Variants in RFC3 observed in about 807,000 individuals in gnomAD.
RFC3 encodes the protein A1 38 kDa subunit.
In RFC3, 41 loss-of-function variants were observed where a neutral mutation model predicts 45.1. The observed-to-expected ratio is 0.91, with a 90% confidence interval of 0.71 to 1.18. The LOEUF (loss-of-function observed/expected upper bound fraction) is 1.18. RFC3 is among the 50% of genes most tolerant of loss of function. The pLI, the probability that RFC3 is intolerant of heterozygous loss-of-function variation, is 0.00. For missense variants in RFC3, 423 were observed against 428.1 expected, an observed-to-expected ratio of 0.99 and a Z score of 0.10; for synonymous variants, 149 against 144.0, an observed-to-expected ratio of 1.03 and a Z score of -0.25.
intron 8 of RFC3, among the ~76,000 whole-genome samples, chr13:33,930,563 C>G (rs2082845077): frequency 6.6e-6 from 1 of 152,094 alleles, no homozygotes; most frequent in Non-Finnish European, 1.5e-5. Flanking sequence ...TCTCTGAGTC[C>G]ACTGACTCAA....
In RFC3 at chr13:33,837,118, C is replaced by T; in HGVS notation, c.*823C>T. 1 of 868,520 alleles carries T rather than the reference C, an allele frequency of 1.2e-6. No individual in the cohort carries two copies. The highest frequency in any genetic ancestry group is 5.3e-5 in the South Asian group (1 of 18,968). The allele number at this position is 868,520 out of a possible 1,614,324, so 53.8% of individuals were successfully genotyped here. On this transcript the variant is annotated 3_prime_UTR_variant, in exon 9 of 9. Coordinates refer to ENST00000380071, the MANE Select transcript of RFC3 (RefSeq NM_002915.4). ...AGTATAATTTATAAAATAAAATATA[C>T]CCATTTTAAGGGTACAGTTTGATTT... is the stretch of plus-strand genomic sequence containing the variant.
chr13:33,853,252 T>A (rs1207336594), intron 8 of RFC3, among the ~76,000 whole-genome samples: 3 of 152,184 alleles, frequency 2.0e-5, no homozygotes, highest in Admixed American at 2.0e-4. Context: ...TCTGAATACA[T>A]TAATATCTTA....
intron 4 of RFC3, among the ~76,000 whole-genome samples, chr13:33,826,828 C>T (rs2082053739): frequency 6.6e-6 from 1 of 151,570 alleles, no homozygotes; most frequent in South Asian, 2.1e-4. Context: ...ACTTTTTCTT[C>T]TCTAATTATG....
intron 8 of RFC3, among the ~76,000 whole-genome samples, chr13:33,844,001 C>T (rs1310035215): frequency 6.6e-6 from 1 of 152,058 alleles, no homozygotes; most frequent in Admixed American, 6.6e-5. Context: ...GTTAAGCTTC[C>T]CATCTTGTTG....
At chr13:33,974,774 A>G in the RFC3 span, among the ~76,000 whole-genome samples, 2 of 152,238 alleles carry the variant, frequency 1.3e-5, no homozygotes, top group South Asian at 4.1e-4. Flanking sequence ...AAACATATAA[A>G]AAGTTCCCCT....
intron 8 of RFC3, among the ~76,000 whole-genome samples, chr13:33,852,097 G>A (rs1291749402): frequency 2.6e-5 from 4 of 152,052 alleles, no homozygotes; most frequent in African/African-American, 9.7e-5. Context: ...CTTGAGAAAA[G>A]TTACTTTCAA....
chr13:33,840,124 G>A (rs2082187012), downstream of RFC3, among the ~76,000 whole-genome samples: 1 of 152,068 alleles, frequency 6.6e-6, no homozygotes, highest in South Asian at 2.1e-4. Flanking sequence ...ACACTACTTT[G>A]GGTTTGTTGC....
intron 8 of RFC3, among the ~76,000 whole-genome samples, chr13:33,964,371 G>A (rs766852460): frequency 2.0e-5 from 3 of 152,188 alleles, no homozygotes; most frequent in Non-Finnish European, 4.4e-5. Flanking sequence ...CTGTGAGCCA[G>A]ATGGGTGTGG....
chr13:33,945,549 A>G lies in RFC3; in HGVS notation c.880-20538A>G, dbSNP rs76835142. Among the ~76,000 whole-genome samples, 697 of 152,308 alleles carry G rather than the reference A, an allele frequency of 4.6e-3. 8 individuals are homozygous for G. Among genetic ancestry groups the G allele is most frequent in the African/African-American group, 0.016 (661 of 41,570 alleles). ...CTGTCTGGGTAACGAGGCTCTGTAC[A>G]TCTCTCTTCACCCTAAAGTTGAGTC... On this transcript the variant is annotated intron_variant, in intron 8 of 8. Transcript: ENST00000434425.
At chr13:33,904,124 T>C (rs1193551094) in intron 8 of RFC3, among the ~76,000 whole-genome samples, 1 of 121,342 alleles carries the variant, frequency 8.2e-6, no homozygotes, top group African/African-American at 5.0e-5. Context: ...TTAACTCTTA[T>C]TTATTTGCTG....
At chr13:33,938,589 G>A (rs1199349531) in intron 8 of RFC3, among the ~76,000 whole-genome samples, 2 of 151,970 alleles carry the variant, frequency 1.3e-5, no homozygotes, top group African/African-American at 4.8e-5. Context: ...TTTTGCTTCT[G>A]TTTTTCTCAA....
chr13:33,889,746 A>G (rs1486348408), intron 8 of RFC3, among the ~76,000 whole-genome samples: 1 of 152,126 alleles, frequency 6.6e-6, no homozygotes, highest in Non-Finnish European at 1.5e-5. Flanking sequence ...GGTAACCACT[A>G]TTCTACTCTC....
At position 33,966,259 on chromosome 13, in the gene RFC3, G is replaced by A; in HGVS notation, c.*134G>A. The A allele has an allele frequency of 4.2e-6, 3 of 714,792 alleles. No individual in the cohort carries two copies. In the Admixed American group the frequency reaches 6.4e-5, roughly 15 times the overall value. 44.3% of individuals were successfully genotyped at this position (714,792 alleles called of 1,614,324 possible). A position where few individuals can be genotyped will look rare whatever the true frequency, so the allele number is the denominator to read the frequency against. On this transcript the variant is annotated 3_prime_UTR_variant, in exon 9 of 9. Coordinates refer to the RFC3 transcript ENST00000434425. ...GAGCTCAAGATTCAGACTCCAGCCTGAATGTTATTTCCTGAGAAAATCCCT... is the reference window on the plus strand; with the variant it reads ...GAGCTCAAGATTCAGACTCCAGCCTAAATGTTATTTCCTGAGAAAATCCCT...
chr13:33,951,672 T>C (rs2082992488), intron 8 of RFC3, among the ~76,000 whole-genome samples: 1 of 152,194 alleles, frequency 6.6e-6, no homozygotes, highest in Non-Finnish European at 1.5e-5. Flanking sequence ...AAGGAAAGGT[T>C]TAGAGTAAAT....
downstream of RFC3, among the ~76,000 whole-genome samples, chr13:33,971,207 G>T (rs2083108096): frequency 6.6e-6 from 1 of 152,178 alleles, no homozygotes; most frequent in African/African-American, 2.4e-5. Context: ...GATCATTTCA[G>T]TCCTTTTTCC....
At chr13:33,969,769 A>G (rs931674821), downstream of RFC3, among the ~76,000 whole-genome samples, 2 of 152,132 alleles carry the variant, frequency 1.3e-5, no homozygotes, top group African/African-American at 4.8e-5. Flanking sequence ...CTCTCCTGTA[A>G]AATAGAAAAT....
intron 8 of RFC3, among the ~76,000 whole-genome samples, chr13:33,909,579 C>T (rs1484613378): frequency 6.6e-6 from 1 of 152,000 alleles, no homozygotes; most frequent in Non-Finnish European, 1.5e-5. Context: ...CTTCCTCTTT[C>T]TTCTATTCTT....
At chr13:33,833,265 A>G (rs2082120616) in intron 7 of RFC3, among the ~76,000 whole-genome samples, 1 of 152,118 alleles carries the variant, frequency 6.6e-6, no homozygotes, top group Admixed American at 6.5e-5. Context: ...ATAATTTTCT[A>G]ATTTGAATAG....
At chr13:33,821,321 G>A (rs1316225374) in intron 2 of RFC3, 52 bp downstream of exon 2, 2 of 1,581,202 alleles carry the variant, frequency 1.3e-6, no homozygotes. Context: ...GGGACTTTCA[G>A]TCTTGGTCAT....
Sources: gnomAD v4.1 joint callset for allele counts (sites outside exome capture counted in the v4.1 genomes callset) on GRCh38, gnomAD v4.1.1 for gene constraint, MANE v1.5 for transcripts, NCBI Gene and HGNC (gene_info 2026-07-23, HGNC 2026-07-21) for gene names.